GLIS3: variants seen among roughly 807,000 people sequenced by gnomAD.
GLIS3 encodes the protein GLIS family zinc finger 3, also known as zinc finger protein GLIS3.
Under a neutral mutation model 78.6 loss-of-function variants are expected in GLIS3, and 53 were observed. The observed-to-expected ratio is 0.67, with a 90% CI of 0.54 to 0.85. The LOEUF is 0.85. GLIS3 is among the 40% of genes least tolerant of loss of function. The pLI is 0.00. For missense variants in GLIS3, 1,703 were observed against 1,231.1 expected, an observed-to-expected ratio of 1.38 and a Z score of -5.74; for synonymous variants, 684 against 509.9, an observed-to-expected ratio of 1.34 and a Z score of -4.60.
At chr9:3,872,367 G>A (rs1337870335) in intron 8 of GLIS3, among the ~76,000 whole-genome samples, 1 of 152,066 alleles carries the variant, frequency 6.6e-6, no homozygotes, top group Non-Finnish European at 1.5e-5. Flanking sequence ...CACTCTACTG[G>A]TAGCAATTTA....
the GLIS3 span, among the ~76,000 whole-genome samples, chr9:4,370,872 G>C: frequency 6.6e-6 from 1 of 151,978 alleles, no homozygotes; most frequent in African/African-American, 2.4e-5. Context: ...GAATATATAG[G>C]AACCACAAAT....
the GLIS3 span, among the ~76,000 whole-genome samples, chr9:4,396,552 GTTTCC>G: frequency 2.0e-5 from 3 of 152,138 alleles, no homozygotes; most frequent in Non-Finnish European, 2.9e-5. Flanking sequence ...AAAATTTCTA[GTTTCC>G]TTTCATTTCC....
At chr9:4,026,898 G>A (rs1823395537) in intron 4 of GLIS3, among the ~76,000 whole-genome samples, 1 of 152,168 alleles carries the variant, frequency 6.6e-6, no homozygotes, top group Admixed American at 6.6e-5. Flanking sequence ...TGAAAAGAGA[G>A]AAACAAAGAT....
At chr9:4,383,534 G>C in the GLIS3 span, among the ~76,000 whole-genome samples, 1 of 152,150 alleles carries the variant, frequency 6.6e-6, no homozygotes, top group South Asian at 2.1e-4. Flanking sequence ...ATTAAGAACA[G>C]CATGTGCTCC....
chr9:4,435,893 G>A, the GLIS3 span, among the ~76,000 whole-genome samples: 2 of 152,228 alleles, frequency 1.3e-5, no homozygotes, highest in East Asian at 1.9e-4. Flanking sequence ...AGCTTGCAGT[G>A]AGCCAAGATC....
chr9:4,371,488 T>A, the GLIS3 span, among the ~76,000 whole-genome samples: 5 of 152,196 alleles, frequency 3.3e-5, no homozygotes, highest in Non-Finnish European at 7.3e-5. Flanking sequence ...GGTTGGAGTC[T>A]TGTTCACAAA....
chr9:4,026,537 T>A (rs1317806096), intron 4 of GLIS3, among the ~76,000 whole-genome samples: 2 of 152,146 alleles, frequency 1.3e-5, no homozygotes, highest in African/African-American at 4.8e-5. Context: ...AATCTATCTA[T>A]CTATCTATCT....
rs569999241 is a variant in GLIS3 at position 4,096,568 on chromosome 9, T to A, written c.1710+21200A>T. ...AGTGGCTGAAGGACTAAATTAAAAT[T>A]ACATTTAATCCGAATTTACTCCTAG... On this transcript the variant is annotated intron_variant, in intron 4 of 10. Transcript: ENST00000381971. Among the ~76,000 whole-genome samples, 9 of 152,314 alleles carry A rather than the reference T, an allele frequency of 5.9e-5. 1 individual carries two copies. Among genetic ancestry groups the A allele is most frequent in the African/African-American group, 1.9e-4 (8 of 41,568 alleles).
At chr9:4,326,565 T>C (rs571326435) in intron 2 of GLIS3, among the ~76,000 whole-genome samples, 1 of 150,962 alleles carries the variant, frequency 6.6e-6, no homozygotes, top group South Asian at 2.1e-4. Flanking sequence ...TTATTTTTTA[T>C]AGGTACAGAG....
intron 4 of GLIS3, among the ~76,000 whole-genome samples, chr9:4,110,732 A>T (rs1439992717): frequency 6.6e-6 from 1 of 152,204 alleles, no homozygotes; most frequent in South Asian, 2.1e-4. Context: ...TACAACAAGC[A>T]TTGTCTTATT....
At chr9:4,428,591 C>A in the GLIS3 span, among the ~76,000 whole-genome samples, 1 of 150,006 alleles carries the variant, frequency 6.7e-6, no homozygotes, top group South Asian at 2.1e-4. Flanking sequence ...GCTAAAAAAA[C>A]ATTCACCAAT....
At chr9:4,404,843 T>A in the GLIS3 span, among the ~76,000 whole-genome samples, 1 of 151,794 alleles carries the variant, frequency 6.6e-6, no homozygotes, top group Non-Finnish European at 1.5e-5. Flanking sequence ...CCAAAATTAG[T>A]AGAAGAAAAG....
intron 4 of GLIS3, among the ~76,000 whole-genome samples, chr9:4,056,527 C>T (rs1210356102): frequency 6.6e-6 from 1 of 152,052 alleles, no homozygotes; most frequent in East Asian, 1.9e-4. Flanking sequence ...GATTCAAATG[C>T]CAGCTTTGCA....
intron 2 of GLIS3, among the ~76,000 whole-genome samples, chr9:4,261,963 A>G (rs1224602963): frequency 6.6e-6 from 1 of 152,230 alleles, no homozygotes; most frequent in African/African-American, 2.4e-5. Flanking sequence ...GGGGGTCCCC[A>G]TGATACAAAG....
the GLIS3 span, among the ~76,000 whole-genome samples, chr9:4,453,836 G>A: frequency 2.0e-5 from 3 of 151,902 alleles, no homozygotes; most frequent in Admixed American, 6.6e-5. Context: ...CATCACACAC[G>A]GGGGCTTGTC....
chr9:4,184,477 A>G (rs928361056), intron 2 of GLIS3, among the ~76,000 whole-genome samples: 1 of 152,234 alleles, frequency 6.6e-6, no homozygotes, highest in African/African-American at 2.4e-5. Context: ...TACTTGGATA[A>G]GTCCCCTTGG....
At chr9:4,375,616 A>G in the GLIS3 span, among the ~76,000 whole-genome samples, 2 of 152,206 alleles carry the variant, frequency 1.3e-5, no homozygotes, top group African/African-American at 4.8e-5. Flanking sequence ...AAAAGTAACA[A>G]CTAAGTAGAA....
At chr9:4,094,150 G>T (rs542384387) in intron 4 of GLIS3, among the ~76,000 whole-genome samples, 2 of 152,320 alleles carry the variant, frequency 1.3e-5, no homozygotes, top group East Asian at 3.9e-4. Flanking sequence ...AGAGATGGGA[G>T]TGGAACATGG....
chr9:3,871,846 A>G (rs1422979710), intron 8 of GLIS3, among the ~76,000 whole-genome samples: 1 of 152,234 alleles, frequency 6.6e-6, no homozygotes, highest in African/African-American at 2.4e-5. Flanking sequence ...TTACTTATGC[A>G]AATTTATGCA....
Sources: allele counts gnomAD v4.1 joint callset (sites outside exome capture counted in the v4.1 genomes callset), GRCh38; gene constraint gnomAD v4.1.1; transcripts MANE v1.5; gene names NCBI Gene and HGNC (gene_info 2026-07-23, HGNC 2026-07-21).